The following PSPC1 variants were observed in gnomAD, a reference collection of about 807,000 sequenced individuals.
The protein encoded by PSPC1 is paraspeckle protein 1.
A neutral mutation model predicts 51.6 loss-of-function variants in PSPC1; 14 were observed. That is an observed-to-expected ratio of 0.27 (90% CI 0.18 to 0.42). PSPC1 has a LOEUF of 0.42. PSPC1 is among the 10% of genes least tolerant of loss of function. The pLI is 1.00. For missense variants in PSPC1, 406 were observed against 701.1 expected (o/e 0.58, Z 4.75); for synonymous variants, 193 against 231.9 (o/e 0.83, Z 1.53).
At chr13:19,716,590 T>C (rs552535939) in intron 6 of PSPC1, among the ~76,000 whole-genome samples, 3 of 152,324 alleles carry the variant, frequency 2.0e-5, no homozygotes, top group South Asian at 2.1e-4. Context: ...AATCACCACA[T>C]GCTATTTAGG....
chr13:19,680,649 C>T lies in PSPC1; in HGVS notation c.1159-2826G>A, dbSNP rs578262259. ...TAATCAAATTAAAAGAAAAGGTCTC[C>T]CTTAAGTGAAATCCTAAAAGTATAA... is the stretch of plus-strand genomic sequence containing the variant. On this transcript the variant is annotated intron_variant and NMD_transcript_variant, in intron 6 of 7. Transcript: ENST00000471658. Among the ~76,000 whole-genome samples the T allele has an allele frequency of 3.9e-5, 6 of 152,194 alleles. No homozygotes were observed. In the South Asian group the frequency reaches 1.2e-3, roughly 32 times the overall value.
chr13:19,711,573 G>A (rs1316172015), intron 6 of PSPC1, among the ~76,000 whole-genome samples: 1 of 151,018 alleles, frequency 6.6e-6, no homozygotes, highest in Non-Finnish European at 1.5e-5. Context: ...AGGAGGCAGA[G>A]GTTGCAGTGA....
chr13:19,689,030 G>C, intron 6 of PSPC1, among the ~76,000 whole-genome samples: 1 of 150,758 alleles, frequency 6.6e-6, no homozygotes, highest in East Asian at 1.9e-4. Context: ...TTATGTGTCA[G>C]TGTGTGCACT....
intron 6 of PSPC1, among the ~76,000 whole-genome samples, chr13:19,692,322 G>T (rs1343153751): frequency 6.6e-6 from 1 of 152,024 alleles, no homozygotes; most frequent in Admixed American, 6.5e-5. Context: ...TTGCCATCTT[G>T]CCCAGGCTAG....
intron 4 of PSPC1, among the ~76,000 whole-genome samples, chr13:19,745,836 G>T (rs1328809703): frequency 6.6e-6 from 1 of 151,950 alleles, no homozygotes; most frequent in Non-Finnish European, 1.5e-5. Context: ...AGCCAGGATG[G>T]TCTCGATCTC....
intron 1 of PSPC1, among the ~76,000 whole-genome samples, chr13:19,781,732 G>A (rs574681210): frequency 6.6e-5 from 10 of 152,228 alleles, no homozygotes; most frequent in African/African-American, 2.2e-4. Context: ...CTCGTGCTCA[G>A]GAGTTCGAGA....
chr13:19,763,776 G>T (rs1887800864), intron 2 of PSPC1, among the ~76,000 whole-genome samples: 1 of 152,156 alleles, frequency 6.6e-6, no homozygotes, highest in Admixed American at 6.6e-5. Flanking sequence ...CAAGGCAAGT[G>T]TATCACCTGA....
At chr13:19,750,785 T>C (rs1441374734) in intron 4 of PSPC1, among the ~76,000 whole-genome samples, 2 of 11,606 alleles carry the variant, frequency 1.7e-4, no homozygotes, top group Non-Finnish European at 5.3e-3. Flanking sequence ...TTAATTTTTT[T>C]TTTGAGACAG....
At position 19,709,516 on chromosome 13, in the gene PSPC1, A is replaced by G; in HGVS notation, c.1216+26T>C. The stretch of plus-strand genomic sequence containing the variant: ...AGTCCCCCCAAAAATGATAAATTAC[A>G]AAAGCCTTTTGCTTCAAATCCCTAC... On this transcript the variant is annotated intron_variant, in intron 7 of 8. Coordinates refer to ENST00000338910, the MANE Select transcript of PSPC1 (RefSeq NM_001354909.2). 1.9e-6 allele frequency: 3 copies of G among 1,594,688 alleles called. 1 individual carries two copies. The Middle Eastern group carries it at 5.0e-4, about 267-fold the overall frequency.
intron 1 of PSPC1, among the ~76,000 whole-genome samples, chr13:19,780,558 A>G (rs936680520): frequency 2.1e-5 from 2 of 96,594 alleles, no homozygotes; most frequent in Non-Finnish European, 2.3e-5. Context: ...ACTCAGGGTT[A>G]AATGGATTAA....
At chr13:19,697,295 T>C (rs1359538852) in intron 6 of PSPC1, among the ~76,000 whole-genome samples, 1 of 152,168 alleles carries the variant, frequency 6.6e-6, no homozygotes, top group Non-Finnish European at 1.5e-5. Context: ...GCCTCCCAGG[T>C]GATTCTAATG....
intron 5 of PSPC1, among the ~76,000 whole-genome samples, chr13:19,740,343 C>CAA (rs879686651): frequency 2.3e-5 from 3 of 130,700 alleles, no homozygotes; most frequent in African/African-American, 5.6e-5. Context: ...AACTCCCTCT[C>CAA]AAAAAAAAAA....
intron 6 of PSPC1, among the ~76,000 whole-genome samples, chr13:19,693,851 C>T (rs560979757): frequency 1.3e-5 from 2 of 152,138 alleles, no homozygotes; most frequent in South Asian, 2.1e-4. Context: ...TGGCCAGGCG[C>T]GGTGGCTCAC....
At position 19,718,352 on chromosome 13, in the gene PSPC1, T is replaced by G. The variant is rs1211129408; in HGVS notation, c.1159-8753A>C. ...GGAAAATATTCTTCAGATATATGATTGTTAAAATGAAACTTTACATCGTAT... is the reference window on the plus strand; with the variant it reads ...GGAAAATATTCTTCAGATATATGATGGTTAAAATGAAACTTTACATCGTAT... On this transcript the variant is annotated intron_variant, in intron 6 of 8. Transcript: ENST00000338910. Among the ~76,000 whole-genome samples, 4 of 152,360 alleles carry G rather than the reference T, an allele frequency of 2.6e-5. No homozygotes were observed. The East Asian group carries it at 7.7e-4, about 29-fold the overall frequency.
chr13:19,700,093 A>G (rs889392668), downstream of PSPC1, among the ~76,000 whole-genome samples: 2 of 152,064 alleles, frequency 1.3e-5, no homozygotes, highest in Non-Finnish European at 2.9e-5. Flanking sequence ...TTTCAATCAT[A>G]TATGTCCTTT....
intron 2 of PSPC1, among the ~76,000 whole-genome samples, chr13:19,768,275 A>G (rs1465009229): frequency 6.6e-6 from 1 of 152,016 alleles, no homozygotes; most frequent in Admixed American, 6.6e-5. Flanking sequence ...AAAACAAGCC[A>G]CAGACTGGCA....
intron 6 of PSPC1, among the ~76,000 whole-genome samples, chr13:19,726,821 C>T (rs1256038205): frequency 2.0e-5 from 3 of 152,202 alleles, no homozygotes; most frequent in East Asian, 3.9e-4. Flanking sequence ...CACAGTCCCT[C>T]GGGTGCTACA....
At chr13:19,715,619 G>A (rs1236629082) in intron 6 of PSPC1, among the ~76,000 whole-genome samples, 2 of 152,162 alleles carry the variant, frequency 1.3e-5, no homozygotes, top group African/African-American at 4.8e-5. Context: ...TACTGAGCCA[G>A]GCATAGTGGT....
At chr13:19,716,684 T>C (rs1276638091) in intron 6 of PSPC1, among the ~76,000 whole-genome samples, 1 of 152,142 alleles carries the variant, frequency 6.6e-6, no homozygotes, top group African/African-American at 2.4e-5. Flanking sequence ...GAGAAAAATA[T>C]AGTAAGTTCT....
Sources: allele counts gnomAD v4.1 joint callset (sites outside exome capture counted in the v4.1 genomes callset), GRCh38; gene constraint gnomAD v4.1.1; transcripts MANE v1.5; gene names NCBI Gene and HGNC (gene_info 2026-07-23, HGNC 2026-07-21).